Variants in NELL1 observed in about 807,000 individuals in gnomAD.
NELL1 encodes neural EGFL like 1.
A neutral mutation model predicts 107.4 loss-of-function variants in NELL1; 76 were observed. The observed-to-expected ratio is 0.71, with a 90% CI of 0.59 to 0.86. NELL1 has a LOEUF of 0.86. Among genes scored for constraint, NELL1 ranks in the 40% least tolerant of loss-of-function variants. The pLI is 0.00. For synonymous variants in NELL1, 353 were observed against 341.2 expected, an observed-to-expected ratio of 1.03 and a Z score of -0.38; for missense variants, 1,024 against 1,005.5, an observed-to-expected ratio of 1.02 and a Z score of -0.25.
chr11:20,933,831 T>A (rs925517091), intron 9 of NELL1, among the ~76,000 whole-genome samples: 5 of 152,202 alleles, frequency 3.3e-5, no homozygotes, highest in African/African-American at 1.2e-4. Flanking sequence ...GGGCCAGGTG[T>A]CTGTCGGTGC....
intron 12 of NELL1, among the ~76,000 whole-genome samples, chr11:21,003,473 T>A (rs1852267082): frequency 6.6e-6 from 1 of 152,138 alleles, no homozygotes; most frequent in Non-Finnish European, 1.5e-5. Flanking sequence ...CTTGCAGAAG[T>A]ATTAGAGGTC....
At chr11:21,570,666 C>T (rs1202187264) in intron 17 of NELL1, 98 bp from the exon 18 acceptor site, 9 of 1,114,776 alleles carry the variant, frequency 8.1e-6, no homozygotes, top group Admixed American at 6.0e-5. Context: ...TGAGAGGTGG[C>T]CAGGGGGTGA....
chr11:20,947,702 A>AAATGTTC (rs1452123532), intron 11 of NELL1, among the ~76,000 whole-genome samples: 1 of 152,192 alleles, frequency 6.6e-6, no homozygotes, highest in East Asian at 1.9e-4. Context: ...AGCATGTGAC[A>AAATGTTC]AATGTTCAAT....
At chr11:20,799,081 T>C (rs763115783) in intron 3 of NELL1, among the ~76,000 whole-genome samples, 4 of 136,740 alleles carry the variant, frequency 2.9e-5, no homozygotes, top group Non-Finnish European at 6.6e-5. Flanking sequence ...TTTATGAAGA[T>C]AGGACGTTTG....
At chr11:20,915,717 A>ATTTTTTTTTTT (rs67447563) in intron 5 of NELL1, among the ~76,000 whole-genome samples, 1 of 58,214 alleles carries the variant, frequency 1.7e-5, no homozygotes, top group African/African-American at 8.8e-5. Context: ...ATATATATAT[A>ATTTTTTTTTTT]TTTTTTTTTT....
At chr11:20,909,651 C>T (rs1398383011) in intron 5 of NELL1, among the ~76,000 whole-genome samples, 4 of 152,082 alleles carry the variant, frequency 2.6e-5, no homozygotes, top group Non-Finnish European at 5.9e-5. Flanking sequence ...GCATGTCAAA[C>T]CAGCGTAAGA....
chr11:21,126,494 T>C (rs1855489493), intron 13 of NELL1, among the ~76,000 whole-genome samples: 1 of 152,192 alleles, frequency 6.6e-6, no homozygotes, highest in Non-Finnish European at 1.5e-5. Flanking sequence ...TCTTACAAGC[T>C]TTGGAGTCTT....
At chr11:21,539,272 G>C (rs1352169448) in intron 16 of NELL1, among the ~76,000 whole-genome samples, 1 of 152,048 alleles carries the variant, frequency 6.6e-6, no homozygotes, top group African/African-American at 2.4e-5. Flanking sequence ...ATCTAGGGAT[G>C]GGTGCCTGAA....
At chr11:21,000,525 A>G (rs999142550) in intron 12 of NELL1, among the ~76,000 whole-genome samples, 1 of 152,194 alleles carries the variant, frequency 6.6e-6, no homozygotes, top group Non-Finnish European at 1.5e-5. Flanking sequence ...AGCAAAAGGA[A>G]AACCTAGGAA....
In NELL1 at chr11:21,232,159, A is replaced by AATAT. The variant is rs1199817546; in HGVS notation, c.1549+2721_1549+2724dup. ...TACTAAAAAAAAATAAAAAAAAAAA[A>AATAT]ATATATATATATATATATAAATTAG... On this transcript the variant is annotated intron_variant, in intron 14 of 19. Transcript: ENST00000357134. 8.2e-5 allele frequency among the ~76,000 whole-genome samples: 6 copies of AATAT among 73,206 alleles called. 1 individual carries two copies. Among genetic ancestry groups the AATAT allele is most frequent in the African/African-American group, 2.1e-4 (4 of 19,378 alleles). 48.0% of individuals were successfully genotyped at this position (73,206 alleles called of 152,430 possible).
At position 21,476,305 on chromosome 11, in the gene NELL1, C is replaced by T. The variant is rs187208468; in HGVS notation, c.1646-58069C>T. On this transcript the variant is annotated intron_variant, in intron 15 of 19. Transcript: ENST00000357134. ...AAGTGTTAGAGAACTGAGATATTCTCTTCATTACCAGAAAGATGAAAAGGA... is the reference window on the plus strand; with the variant it reads ...AAGTGTTAGAGAACTGAGATATTCTTTTCATTACCAGAAAGATGAAAAGGA... 2.9e-3 allele frequency among the ~76,000 whole-genome samples: 448 copies of T among 152,144 alleles called. 2 individuals are homozygous for T. Among genetic ancestry groups the T allele is most frequent in the African/African-American group, 0.01 (423 of 41,516 alleles).
At chr11:21,442,710 G>A (rs1363284588) in intron 15 of NELL1, among the ~76,000 whole-genome samples, 1 of 152,090 alleles carries the variant, frequency 6.6e-6, no homozygotes, top group Non-Finnish European at 1.5e-5. Context: ...AAAGTATGCT[G>A]TCAGCACAGG....
intron 4 of NELL1, among the ~76,000 whole-genome samples, chr11:20,877,160 T>C (rs1188692171): frequency 1.3e-5 from 2 of 152,184 alleles, no homozygotes; most frequent in Non-Finnish European, 2.9e-5. Context: ...AGCACCTTGA[T>C]ATTCACTAAT....
At chr11:21,429,814 T>A (rs1166621602) in intron 15 of NELL1, among the ~76,000 whole-genome samples, 3 of 152,028 alleles carry the variant, frequency 2.0e-5, no homozygotes, top group Non-Finnish European at 4.4e-5. Context: ...TTCACAAGAG[T>A]TCAGAGAGCA....
At chr11:21,184,757 T>C (rs912637215) in intron 13 of NELL1, among the ~76,000 whole-genome samples, 1 of 151,996 alleles carries the variant, frequency 6.6e-6, no homozygotes, top group East Asian at 1.9e-4. Flanking sequence ...GGAGTTTTGA[T>C]TGAAGTGAAA....
intron 14 of NELL1, among the ~76,000 whole-genome samples, chr11:21,234,593 G>A (rs1590758428): frequency 6.6e-6 from 1 of 152,318 alleles, no homozygotes; most frequent in East Asian, 1.9e-4. Flanking sequence ...AGAAACTCCA[G>A]GAACATAGGT....
rs114844074 is a variant in NELL1 at position 21,061,866 on chromosome 11, G to A, written c.1301-51723G>A. ...ACTGAGCCATGTTTTATTAGATGAG[G>A]TAAATCTCTTTAGGAATGGTCTGTG... is the stretch of plus-strand genomic sequence containing the variant. On this transcript the variant is annotated intron_variant, in intron 12 of 19. Transcript: ENST00000357134. Among the ~76,000 whole-genome samples, 1,091 of 152,246 alleles carry A rather than the reference G, an allele frequency of 7.2e-3. 11 individuals carry two copies. Among genetic ancestry groups the A allele is most frequent in the African/African-American group, 0.023 (936 of 41,546 alleles).
intron 12 of NELL1, among the ~76,000 whole-genome samples, chr11:20,984,001 C>T (rs1851801271): frequency 6.6e-6 from 1 of 152,142 alleles, no homozygotes; most frequent in South Asian, 2.1e-4. Flanking sequence ...CAGCATTCTT[C>T]CCCTACTCCT....
chr11:20,800,376 A>C (rs1857258259), intron 3 of NELL1, among the ~76,000 whole-genome samples: 1 of 152,180 alleles, frequency 6.6e-6, no homozygotes, highest in South Asian at 2.1e-4. Context: ...GACATTTAAA[A>C]AATAATAGGC....
Sources: allele counts gnomAD v4.1 joint callset (sites outside exome capture counted in the v4.1 genomes callset), GRCh38; gene constraint gnomAD v4.1.1; transcripts MANE v1.5; gene names NCBI Gene and HGNC (gene_info 2026-07-23, HGNC 2026-07-21).